The following FYTTD1 variants were observed in gnomAD, a reference collection of about 807,000 sequenced individuals.
FYTTD1 encodes the protein forty-two-three domain containing 1, also known as UAP56-interacting factor.
Under a neutral mutation model 40.9 loss-of-function variants are expected in FYTTD1, and 22 were observed. The ratio of observed to expected loss-of-function variants is 0.54; its 90% CI spans 0.38 to 0.77. The LOEUF (loss-of-function observed/expected upper bound fraction) is 0.77. FYTTD1 is among the 30% of genes least tolerant of loss of function. The pLI is 0.00. For missense variants in FYTTD1, 351 were observed against 392.2 expected, an observed-to-expected ratio of 0.90 and a Z score of 0.89; for synonymous variants, 140 against 137.9, an observed-to-expected ratio of 1.01 and a Z score of -0.10.
At chr3:197,766,461 T>TGTGTGTG (rs1171406063) in intron 2 of FYTTD1, among the ~76,000 whole-genome samples, 1 of 25,874 alleles carries the variant, frequency 3.9e-5, no homozygotes, top group Non-Finnish European at 9.5e-5. Flanking sequence ...GTGTGTGTGT[T>TGTGTGTG]TGAGACAGGG....
chr3:197,749,750 C>T, upstream of FYTTD1: 1 of 591,490 alleles, frequency 1.7e-6, no homozygotes, highest in Non-Finnish European at 3.1e-6. Flanking sequence ...ATGCCTCGTC[C>T]GATCCTGCGA....
At chr3:197,753,473 C>G (rs923908304) in intron 1 of FYTTD1, among the ~76,000 whole-genome samples, 1 of 151,994 alleles carries the variant, frequency 6.6e-6, no homozygotes, top group African/African-American at 2.4e-5. Flanking sequence ...ATTACTATTA[C>G]CATGTATATT....
intron 3 of FYTTD1, 112 bp from the exon 4 acceptor site, chr3:197,770,020 T>G (rs1729670003): frequency 3.0e-6 from 2 of 661,212 alleles, no homozygotes; most frequent in East Asian, 2.7e-5. Flanking sequence ...CTCCCTTATC[T>G]GCACATTCAA....
chr3:197,781,848 A>G lies in FYTTD1; in HGVS notation c.896A>G (p.Lys299Arg). 6.2e-7 allele frequency: 1 copy of G among 1,610,430 alleles called. No individual in the cohort carries two copies. The highest frequency in any genetic ancestry group is 1.1e-5 in the South Asian group (1 of 90,500). The part of the protein sequence containing the change: ...MTLNERFGIL[K>R]EQRATLTYNK... ...TTGAATGAGCGGTTTGGGATCCTGA[A>G]GGAACAAAGAGCCACTCTCACATAC... The change falls in exon 9 of 9, where the codon AAG becomes AGG. Residue 299 changes from lysine (K) to arginine (R), a missense_variant. Physicochemically the swap from Lys to Arg is conservative, Grantham distance 26. Coordinates refer to ENST00000241502, the MANE Select transcript of FYTTD1 (RefSeq NM_032288.7).
intron 6 of FYTTD1, among the ~76,000 whole-genome samples, chr3:197,774,809 C>G (rs1020547806): frequency 3.6e-5 from 5 of 140,534 alleles, no homozygotes; most frequent in East Asian, 2.3e-4. Context: ...ATAGCTCGAT[C>G]GCCAGTGCAT....
At chr3:197,754,430 G>A (rs1316422708) in intron 1 of FYTTD1, among the ~76,000 whole-genome samples, 1 of 152,106 alleles carries the variant, frequency 6.6e-6, no homozygotes, top group Admixed American at 6.6e-5. Context: ...AAAGATTAGA[G>A]ATTGGTTAGG....
At chr3:197,770,079 A>T in intron 3 of FYTTD1, 53 bp from the exon 4 acceptor site, 1 of 972,388 alleles carries the variant, frequency 1.0e-6, no homozygotes, top group Non-Finnish European at 1.6e-6. Context: ...TTATTGTAGT[A>T]GAGTATATAG....
Position 197,781,922 on chromosome 3 carries a change from A to AGGAAC in FYTTD1, c.*14_*18dup. ...CACCGTGGGATAGGTCCCATGTCAA[A>AGGAAC]GGAACTTTTGAGTGATGACTCTGAG... On this transcript the variant is annotated 3_prime_UTR_variant, in exon 9 of 9. Transcript: ENST00000241502. 6.5e-7 allele frequency: 1 copy of AGGAAC among 1,538,408 alleles called. No homozygotes were observed. Among genetic ancestry groups the AGGAAC allele is most frequent in the Non-Finnish European group, 8.8e-7 (1 of 1,130,736 alleles).
rs1475360610 is a variant in FYTTD1, at chr3:197,783,989, G to A, written c.*2080G>A. ...TTGGTACAACTAAATTAAAACTCTTGGTGGTCACATATTGTATATAAACAA... is the reference window on the plus strand; with the variant it reads ...TTGGTACAACTAAATTAAAACTCTTAGTGGTCACATATTGTATATAAACAA... On this transcript the variant is annotated 3_prime_UTR_variant, in exon 9 of 9. Transcript: ENST00000241502. 1 of 152,294 alleles carries A rather than the reference G, an allele frequency of 6.6e-6. No individual in the cohort carries two copies. Among genetic ancestry groups the A allele is most frequent in the Non-Finnish European group, 1.5e-5 (1 of 68,012 alleles). 9.4% of individuals were successfully genotyped at this position (152,294 alleles called of 1,614,324 possible). A position where few individuals can be genotyped will look rare whatever the true frequency, so the allele number is the denominator to read the frequency against.
intron 2 of FYTTD1, among the ~76,000 whole-genome samples, chr3:197,758,590 G>A (rs1419431389): frequency 2.0e-5 from 3 of 152,228 alleles, no homozygotes; most frequent in African/African-American, 4.8e-5. Flanking sequence ...TCCATGAAGT[G>A]TCAGAAAAGC....
At chr3:197,755,528 C>G (rs2109036334) in intron 1 of FYTTD1, 1 of 169,334 alleles carries the variant, frequency 5.9e-6, no homozygotes, top group South Asian at 2.0e-4. Context: ...TCACTGCAAC[C>G]TCTGCCTCCC....
At chr3:197,761,590 G>T (rs1383445749) in intron 2 of FYTTD1, among the ~76,000 whole-genome samples, 1 of 152,206 alleles carries the variant, frequency 6.6e-6, no homozygotes, top group African/African-American at 2.4e-5. Flanking sequence ...GTATAGAATT[G>T]TTCTTCAGTG....
At chr3:197,751,400 AAGGCGG>A (rs939602569) in intron 1 of FYTTD1, among the ~76,000 whole-genome samples, 147 of 152,328 alleles carry the variant, frequency 9.7e-4, no homozygotes, top group African/African-American at 3.5e-3. Flanking sequence ...CAGCCCTTTG[AAGGCGG>A]AGGCGGAGGC....
In FYTTD1 at chr3:197,781,958, G is replaced by C. The variant is rs1730040002; in HGVS notation, c.*49G>C. 1 of 1,112,744 alleles carries C rather than the reference G, an allele frequency of 9.0e-7. No individual in the cohort carries two copies. Among genetic ancestry groups the C allele is most frequent in the Non-Finnish European group, 1.3e-6 (1 of 775,544 alleles). The allele number at this position is 1,112,744 out of a possible 1,614,324, so 68.9% of individuals were successfully genotyped here. ...AGTGATGACTCTGAGAAGTTGAATT[G>C]CTTGAAGAGTTCATCACGGAAATTC... On this transcript the variant is annotated 3_prime_UTR_variant, in exon 9 of 9. Transcript: ENST00000241502.
chr3:197,774,279 T>C (rs1246915923), intron 6 of FYTTD1, 69 bp downstream of exon 6: 5 of 1,243,270 alleles, frequency 4.0e-6, no homozygotes, highest in South Asian at 1.2e-5. Context: ...CAAATTATCA[T>C]GTACCTCAGT....
At position 197,769,024 on chromosome 3, in the gene FYTTD1, C is replaced by T. The variant is rs181562286; in HGVS notation, c.384+437C>T. On this transcript the variant is annotated intron_variant, in intron 3 of 8. Coordinates refer to ENST00000241502, the MANE Select transcript of FYTTD1 (RefSeq NM_032288.7). ...AAGTGATCTGCCCACCTTGGCCTCCCAAAGTGCTGGTATTACAGGCGTGAG... is the reference window on the plus strand; with the variant it reads ...AAGTGATCTGCCCACCTTGGCCTCCTAAAGTGCTGGTATTACAGGCGTGAG... Among the ~76,000 whole-genome samples, 569 of 150,986 alleles carry T rather than the reference C, an allele frequency of 3.8e-3. 4 individuals are homozygous for T. Among genetic ancestry groups the T allele is most frequent in the African/African-American group, 9.1e-3 (372 of 41,062 alleles).
rs866964616 is a variant in FYTTD1 at position 197,778,348 on chromosome 3, C to A, written c.742C>A (p.Pro248Thr). 1.9e-6 allele frequency: 3 copies of A among 1,592,658 alleles called. No individual in the cohort carries two copies. The African/African-American group carries it at 4.1e-5, about 22-fold the overall frequency. The change falls in exon 8 of 9, where the codon CCA becomes ACA. Residue 248 changes from proline to threonine, a missense_variant. Physicochemically the swap from Pro to Thr is conservative, Grantham distance 38 (BLOSUM62 -1). Transcript: ENST00000241502. ...GAVQCPVTQK[P>T]RLTRTAVPSF... ...ATATTTTTCTAATAGAACTCAGAAA[C>A]CACGATTAACTCGTACTGCTGTACC...
rs956045179 is a variant in FYTTD1, at chr3:197,783,866, A to G, written c.*1957A>G. 6.6e-6 allele frequency: 1 copy of G among 152,620 alleles called. No individual in the cohort carries two copies. The highest frequency in any genetic ancestry group is 1.5e-5 in the Non-Finnish European group (1 of 68,028). 9.5% of individuals were successfully genotyped at this position (152,620 alleles called of 1,614,324 possible). ...GAAAACTTTAAAAATTGCCCCAAATACTGACATTGAGTGCATTAAATAACA... is the reference window on the plus strand; with the variant it reads ...GAAAACTTTAAAAATTGCCCCAAATGCTGACATTGAGTGCATTAAATAACA... On this transcript the variant is annotated 3_prime_UTR_variant, in exon 9 of 9. Transcript: ENST00000241502.
chr3:197,782,009 C>A lies in FYTTD1; in HGVS notation c.*100C>A, dbSNP rs753997247. 1.4e-5 allele frequency: 8 copies of A among 558,190 alleles called. No individual in the cohort carries two copies. Among genetic ancestry groups the A allele is most frequent in the East Asian group, 6.4e-5 (2 of 31,464 alleles). 34.6% of individuals were successfully genotyped at this position (558,190 alleles called of 1,614,324 possible). A position where few individuals can be genotyped will look rare whatever the true frequency, so the allele number is the denominator to read the frequency against. On this transcript the variant is annotated 3_prime_UTR_variant, in exon 9 of 9. Transcript: ENST00000241502. ...AAGAAACTTTACTTCAAAATATTCA[C>A]AAGGCTAAATAACTCTTATTTTTAT...
Sources: gnomAD v4.1 joint callset for allele counts (sites outside exome capture counted in the v4.1 genomes callset) on GRCh38, gnomAD v4.1.1 for gene constraint, MANE v1.5 for transcripts, NCBI Gene and HGNC (gene_info 2026-07-23, HGNC 2026-07-21) for gene names.